The following APOLD1 variants were observed in gnomAD, a reference collection of about 807,000 sequenced individuals.
APOLD1 encodes the protein apolipoprotein L domain containing 1.
Under a neutral mutation model 15.3 loss-of-function variants are expected in APOLD1, and 22 were observed. The observed-to-expected ratio is 1.44, with a 90% CI of 1.03 to 2.05. The LOEUF (loss-of-function observed/expected upper bound fraction) is 2.05, where lower values mean the gene tolerates loss of function less well. Ranked by LOEUF, APOLD1 falls within the 30% of genes most tolerant of loss-of-function variation. The pLI, the probability that APOLD1 is intolerant of heterozygous loss-of-function variation, is 0.00. For synonymous variants in APOLD1, 190 were observed against 167.4 expected (o/e 1.13, Z -1.04); for missense variants, 394 against 353.5 (o/e 1.11, Z -0.92).
rs369810348 is a variant in APOLD1 at position 12,788,639 on chromosome 12, C to T, written c.*987C>T. 9.8e-5 allele frequency: 15 copies of T among 152,324 alleles called. No individual in the cohort carries two copies. The highest frequency in any genetic ancestry group is 5.8e-4 in the East Asian group (3 of 5,194). The allele number at this position is 152,324 out of a possible 1,614,324, so 9.4% of individuals were successfully genotyped here. A position where few individuals can be genotyped will look rare whatever the true frequency, so the allele number is the denominator to read the frequency against. On this transcript the variant is annotated 3_prime_UTR_variant, in exon 2 of 2. Transcript: ENST00000356591. ...ATCACCCAGGAACTTGTTAGAAAGG[C>T]AAATTCTTGGACACAACCCTCCTGA...
intron 1 of APOLD1, among the ~76,000 whole-genome samples, chr12:12,757,937 CTTT>C (rs144139766): frequency 4.1e-5 from 5 of 121,390 alleles, no homozygotes; most frequent in Admixed American, 8.9e-5. Flanking sequence ...AATTCAATAT[CTTT>C]TTTTTTTTTT....
intron 1 of APOLD1, among the ~76,000 whole-genome samples, chr12:12,767,379 T>C (rs1158931555): frequency 4.0e-5 from 6 of 151,554 alleles, no homozygotes; most frequent in Non-Finnish European, 1.5e-5. Flanking sequence ...ATTAAAAAAT[T>C]GGCCAGGTGC....
intron 1 of APOLD1, among the ~76,000 whole-genome samples, chr12:12,738,556 G>A (rs1164987367): frequency 2.0e-5 from 3 of 152,176 alleles, no homozygotes; most frequent in Non-Finnish European, 4.4e-5. Context: ...GTCCTTTTAA[G>A]AATTTCAAAT....
At chr12:12,779,327 G>A (rs1185987860) in intron 1 of APOLD1, among the ~76,000 whole-genome samples, 1 of 152,044 alleles carries the variant, frequency 6.6e-6, no homozygotes, top group African/African-American at 2.4e-5. Flanking sequence ...TCTCCTGGAG[G>A]GCAGGGACTA....
Position 12,787,103 on chromosome 12 carries a change from C to T in APOLD1, c.198C>T (p.Gly66=). ...NVAGSSLSAT[G]ALAAIVGLSL... ...CCGGCAGCTCGCTGAGCGCAACGGG[C>T]GCCCTCGCCGCCATCGTGGGGCTCT... The change falls in exon 2 of 2, where the codon GGC becomes GGT. Residue 66 remains glycine, a synonymous_variant. Transcript: ENST00000356591. The surrounding 1 kb of genome is among the most constrained non-coding windows in gnomAD (Gnocchi z 4.9). 7.1e-7 allele frequency: 1 copy of T among 1,414,216 alleles called. No homozygotes were observed. The highest frequency in any genetic ancestry group is 1.5e-5 in the South Asian group (1 of 65,628). The allele number at this position is 1,414,216 out of a possible 1,614,324, so 87.6% of individuals were successfully genotyped here. A position where few individuals can be genotyped will look rare whatever the true frequency, so the allele number is the denominator to read the frequency against.
upstream of APOLD1, among the ~76,000 whole-genome samples, chr12:12,780,931 A>AC (rs1414447270): frequency 6.6e-6 from 1 of 151,348 alleles, no homozygotes; most frequent in Non-Finnish European, 1.5e-5. Context: ...ATATTTAGTC[A>AC]CTGAGATATA....
At chr12:12,737,323 G>T (rs1230893992) in intron 1 of APOLD1, among the ~76,000 whole-genome samples, 1 of 151,854 alleles carries the variant, frequency 6.6e-6, no homozygotes, top group Non-Finnish European at 1.5e-5. Flanking sequence ...AAGCTATAAT[G>T]GCTGTGACCC....
intron 1 of APOLD1, among the ~76,000 whole-genome samples, chr12:12,762,545 G>A (rs150079416): frequency 2.4e-4 from 36 of 151,936 alleles, no homozygotes; most frequent in African/African-American, 8.2e-4. Flanking sequence ...AGTAGAGATG[G>A]GGTTTCACCA....
At chr12:12,770,277 T>C (rs966917901) in intron 1 of APOLD1, among the ~76,000 whole-genome samples, 4 of 152,056 alleles carry the variant, frequency 2.6e-5, no homozygotes, top group African/African-American at 2.4e-5. Flanking sequence ...TGGTGGCACA[T>C]GCCTGTAACC....
intron 1 of APOLD1, among the ~76,000 whole-genome samples, chr12:12,763,268 G>T (rs10744003): frequency 0.68 from 103,457 of 151,928 alleles, 36,844 homozygotes; most frequent in Non-Finnish European, 0.78. Context: ...TTTTGTATGC[G>T]GCGAGAACAT....
intron 1 of APOLD1, among the ~76,000 whole-genome samples, chr12:12,738,957 G>A (rs1050027685): frequency 6.6e-6 from 1 of 152,196 alleles, no homozygotes; most frequent in Non-Finnish European, 1.5e-5. Context: ...TCTTGTTTAA[G>A]CCACTATGAT....
intron 1 of APOLD1, among the ~76,000 whole-genome samples, chr12:12,733,071 T>G (rs1946654671): frequency 6.6e-6 from 1 of 151,616 alleles, no homozygotes; most frequent in African/African-American, 2.4e-5. Context: ...CCCAGCACTT[T>G]GGGAGACCGA....
intron 1 of APOLD1, among the ~76,000 whole-genome samples, chr12:12,763,474 TC>T (rs1946918152): frequency 6.6e-6 from 1 of 151,534 alleles, no homozygotes; most frequent in East Asian, 1.9e-4. Flanking sequence ...GGGTTCTGCA[TC>T]TGTGGATTCA....
chr12:12,734,144 A>C (rs1258013247), intron 1 of APOLD1, among the ~76,000 whole-genome samples: 1 of 152,170 alleles, frequency 6.6e-6, no homozygotes, highest in Non-Finnish European at 1.5e-5. Context: ...ATGAGGTATA[A>C]ATATTATCCC....
chr12:12,730,062 G>A (rs1035626975), intron 1 of APOLD1, among the ~76,000 whole-genome samples: 57 of 100,304 alleles, frequency 5.7e-4, no homozygotes, highest in African/African-American at 1.7e-3. Flanking sequence ...GTGTGTGTGT[G>A]TGTGTGTGTG....
chr12:12,772,104 T>C lies in APOLD1; in HGVS notation c.97-14805T>C, dbSNP rs562658795. 1.6e-4 allele frequency among the ~76,000 whole-genome samples: 24 copies of C among 151,640 alleles called. No individual in the cohort carries two copies. In the Middle Eastern group the frequency reaches 0.01, roughly 64 times the overall value. ...AAGAACAAAGAACAAGAACAACAAA[T>C]AGAAAACAATAAAAAATATAGTAGA... is the stretch of plus-strand genomic sequence containing the variant. On this transcript the variant is annotated intron_variant, in intron 1 of 1. Coordinates refer to the APOLD1 transcript ENST00000326765.
intron 1 of APOLD1, among the ~76,000 whole-genome samples, chr12:12,735,544 A>G (rs1386254963): frequency 6.6e-6 from 1 of 152,050 alleles, no homozygotes; most frequent in Non-Finnish European, 1.5e-5. Flanking sequence ...TGGCAGAAGG[A>G]ATGAGTGCTG....
chr12:12,779,285 T>G (rs568746141), intron 1 of APOLD1, among the ~76,000 whole-genome samples: 2 of 152,126 alleles, frequency 1.3e-5, no homozygotes, highest in East Asian at 1.9e-4. Context: ...AAATGATATA[T>G]TCTGTCTTTT....
chr12:12,747,822 G>A (rs547968031), intron 1 of APOLD1, among the ~76,000 whole-genome samples: 6 of 152,378 alleles, frequency 3.9e-5, no homozygotes, highest in African/African-American at 1.4e-4. Context: ...CACACATGGA[G>A]TGATTGAGGC....
Sources: gnomAD v4.1 joint callset for allele counts (sites outside exome capture counted in the v4.1 genomes callset) on GRCh38, gnomAD v4.1.1 for gene constraint, Gnocchi (gnomAD v3.1) non-coding constraint, MANE v1.5 for transcripts, NCBI Gene and HGNC (gene_info 2026-07-23, HGNC 2026-07-21) for gene names.